The following SMIM44 variants were observed in gnomAD, a reference collection of about 807,000 sequenced individuals.
SMIM44 encodes small integral membrane protein 44.
the SMIM44 span, chr19:3,483,237 C>G: frequency 5.0e-6 from 2 of 398,442 alleles, no homozygotes; most frequent in Admixed American, 4.4e-5. Flanking sequence ...GATGAGGTGC[C>G]CGACGATGGC....
chr19:3,482,755 A>G, the SMIM44 span: 1 of 397,558 alleles, frequency 2.5e-6, no homozygotes, highest in Non-Finnish European at 4.4e-6. Flanking sequence ...CGGCGCGCGT[A>G]AGTTCTGTCT....
the SMIM44 span, chr19:3,482,692 A>C: frequency 5.1e-6 from 2 of 392,648 alleles, no homozygotes; most frequent in Middle Eastern, 6.4e-4. Context: ...CCGGCTGGGA[A>C]GGAGAAAGCC....
At chr19:3,483,075 C>T in the SMIM44 span, 1 of 398,508 alleles carries the variant, frequency 2.5e-6, no homozygotes, top group Non-Finnish European at 4.4e-6. Context: ...GCTGGTGAGG[C>T]AACTCCCCGG....
the SMIM44 span, among the ~76,000 whole-genome samples, chr19:3,482,181 G>A: frequency 2.4e-4 from 37 of 152,360 alleles, no homozygotes; most frequent in African/African-American, 8.9e-4. Flanking sequence ...AAGAGAAGGA[G>A]GCCTTGGTGC....
chr19:3,482,903 G>T, the SMIM44 span: 3 of 398,030 alleles, frequency 7.5e-6, no homozygotes, highest in Non-Finnish European at 1.3e-5. Flanking sequence ...GTTCAGAGGG[G>T]GCTCCCTCCC....
chr19:3,483,398 C>T, the SMIM44 span: 480 of 397,952 alleles, frequency 1.2e-3, 3 homozygotes, highest in South Asian at 7.6e-3. Flanking sequence ...CCGCCAGCCC[C>T]GGCATGGTGT....
the SMIM44 span, chr19:3,482,673 C>T: frequency 5.1e-6 from 2 of 395,532 alleles, no homozygotes; most frequent in East Asian, 3.6e-5. Context: ...GTCCAACCCC[C>T]GGAACCTGCC....
chr19:3,483,372 T>G, the SMIM44 span: 3 of 397,946 alleles, frequency 7.5e-6, no homozygotes, highest in Non-Finnish European at 1.3e-5. Context: ...GCTCCAGCCC[T>G]CGGCCTCCCC....
the SMIM44 span, among the ~76,000 whole-genome samples, chr19:3,482,335 C>T: frequency 2.0e-5 from 3 of 152,234 alleles, no homozygotes; most frequent in South Asian, 4.1e-4. Flanking sequence ...CCTTGGAGAT[C>T]CTGCCCTCCA....
At chr19:3,482,578 C>T in the SMIM44 span, among the ~76,000 whole-genome samples, 6 of 152,208 alleles carry the variant, frequency 3.9e-5, no homozygotes, top group Admixed American at 1.3e-4. Context: ...CGTTTTAAAT[C>T]GCCCTAGTGT....
At chr19:3,482,492 T>C in the SMIM44 span, among the ~76,000 whole-genome samples, 1 of 152,224 alleles carries the variant, frequency 6.6e-6, no homozygotes, top group East Asian at 1.9e-4. Flanking sequence ...AATGAGATAC[T>C]GCATAGAAAA....
chr19:3,483,398 C>A, the SMIM44 span: 1 of 397,954 alleles, frequency 2.5e-6, no homozygotes. Flanking sequence ...CCGCCAGCCC[C>A]GGCATGGTGT....
the SMIM44 span, among the ~76,000 whole-genome samples, chr19:3,482,637 G>A: frequency 6.6e-6 from 1 of 152,222 alleles, no homozygotes; most frequent in Non-Finnish European, 1.5e-5. Context: ...AGCCGGGCAG[G>A]CTCTGCGTAT....
At chr19:3,482,279 A>G in the SMIM44 span, among the ~76,000 whole-genome samples, 1 of 152,094 alleles carries the variant, frequency 6.6e-6, no homozygotes, top group Non-Finnish European at 1.5e-5. Context: ...GCTGGAGAAG[A>G]TTTGGAGGTA....
At chr19:3,482,959 G>T in the SMIM44 span, 2 of 398,328 alleles carry the variant, frequency 5.0e-6, no homozygotes, top group Non-Finnish European at 8.9e-6. Flanking sequence ...AGGGCCAGCT[G>T]CAGGTCCAGC....
the SMIM44 span, chr19:3,483,068 G>A: frequency 2.5e-5 from 10 of 398,404 alleles, no homozygotes; most frequent in Non-Finnish European, 4.4e-5. Flanking sequence ...CAAGGGAGCT[G>A]GTGAGGCAAC....
At chr19:3,482,716 G>C in the SMIM44 span, 44 of 396,674 alleles carry the variant, frequency 1.1e-4, no homozygotes, top group South Asian at 4.7e-3. Flanking sequence ...CGCTGCGACC[G>C]GGCAGCTCAG....
chr19:3,483,400 G>A, the SMIM44 span: 1 of 397,942 alleles, frequency 2.5e-6, no homozygotes, highest in East Asian at 3.6e-5. Flanking sequence ...GCCAGCCCCG[G>A]CATGGTGTCC....
the SMIM44 span, chr19:3,483,218 G>A: frequency 3.0e-5 from 12 of 398,432 alleles, no homozygotes; most frequent in Non-Finnish European, 4.9e-5. Flanking sequence ...GGTCGTGGGC[G>A]AGGTCTTTGA....
Sources: allele counts gnomAD v4.1 joint callset (sites outside exome capture counted in the v4.1 genomes callset), GRCh38; gene constraint gnomAD v4.1.1; transcripts MANE v1.5; gene names NCBI Gene and HGNC (gene_info 2026-07-23, HGNC 2026-07-21).